ST3GAL5: variants seen among roughly 807,000 people sequenced by gnomAD.
The protein encoded by ST3GAL5 is ST3 beta-galactoside alpha-2,3-sialyltransferase 5.
ST3GAL5 carries 25 observed loss-of-function variants against 46.1 expected under a neutral mutation model. The observed-to-expected ratio is 0.54, with a 90% CI of 0.40 to 0.76. The LOEUF is 0.76. Ranked by LOEUF, ST3GAL5 falls within the 30% of genes least tolerant of loss-of-function variation. The pLI is 0.00. For synonymous variants in ST3GAL5, 182 were observed against 192.7 expected (o/e 0.94, Z 0.46); for missense variants, 431 against 521.2 (o/e 0.83, Z 1.69).
At chr2:85,854,126 T>A (rs1295750133) in intron 3 of ST3GAL5, 1 of 152,226 alleles carries the variant, frequency 6.6e-6, no homozygotes, top group African/African-American at 2.4e-5. Context: ...GACTTTCTCC[T>A]TTACTTATTT....
At position 85,847,546 on chromosome 2, in the gene ST3GAL5, G is replaced by C. The variant is rs925211723; in HGVS notation, c.662+315C>G. On this transcript the variant is annotated intron_variant, in intron 4 of 6. Coordinates refer to ENST00000638572, the MANE Select transcript of ST3GAL5 (RefSeq NM_003896.4). ...CTGTTCCTGGAGCCACACTGACCAA[G>C]AGCAGTGCACTGAGTTCTAGAGGAG... The C allele has an allele frequency of 1.6e-5, 18 of 1,131,660 alleles. No homozygotes were observed. The South Asian group carries it at 4.0e-4, about 25-fold the overall frequency. 70.1% of individuals were successfully genotyped at this position (1,131,660 alleles called of 1,614,324 possible). A position where few individuals can be genotyped will look rare whatever the true frequency, so the allele number is the denominator to read the frequency against.
intron 1 of ST3GAL5, among the ~76,000 whole-genome samples, chr2:85,871,093 A>G (rs1261262892): frequency 3.4e-5 from 5 of 147,782 alleles, no homozygotes; most frequent in South Asian, 4.3e-4. Flanking sequence ...GCTAGAGTGC[A>G]GTGGTGCAAT....
At chr2:85,862,795 G>C (rs1264056391) in intron 2 of ST3GAL5, among the ~76,000 whole-genome samples, 3 of 152,196 alleles carry the variant, frequency 2.0e-5, no homozygotes, top group South Asian at 4.1e-4. Context: ...CAGAAGACTA[G>C]ATTGCAAGGT....
intron 3 of ST3GAL5, chr2:85,855,044 A>G (rs553750105): frequency 6.6e-6 from 1 of 152,452 alleles, no homozygotes; most frequent in East Asian, 1.9e-4. Flanking sequence ...CAACTGGAGA[A>G]CAACATGCAA....
chr2:85,887,827 T>G (rs1048243240), intron 1 of ST3GAL5: 3 of 151,992 alleles, frequency 2.0e-5, no homozygotes, highest in African/African-American at 7.3e-5. Context: ...AGGAGATGAG[T>G]CTCCTTCCTC....
intron 1 of ST3GAL5, among the ~76,000 whole-genome samples, chr2:85,877,374 T>C (rs1205534923): frequency 1.3e-5 from 2 of 152,254 alleles, no homozygotes; most frequent in Non-Finnish European, 2.9e-5. Flanking sequence ...TCTGAAACCG[T>C]TCCTTTATCT....
intron 6 of ST3GAL5, 29 bp from the exon 7 acceptor site, chr2:85,840,421 TA>T (rs748890415): frequency 1.4e-5 from 22 of 1,610,226 alleles, no homozygotes; most frequent in South Asian, 8.8e-5. Flanking sequence ...GACCAAAAAG[TA>T]AAAAAAAATT....
intron 5 of ST3GAL5, 200 bp from the exon 6 acceptor site, chr2:85,844,754 C>A: frequency 1.5e-6 from 1 of 659,504 alleles, no homozygotes; most frequent in South Asian, 1.7e-5. Context: ...ATAGCCACTT[C>A]ACACAGGCGG....
At chr2:85,844,261 A>G in intron 6 of ST3GAL5, 135 bp downstream of exon 6, 1 of 1,117,894 alleles carries the variant, frequency 8.9e-7, no homozygotes, top group Non-Finnish European at 1.3e-6. Context: ...AGTGGTAAAC[A>G]CACATGGAGC....
chr2:85,867,843 A>G (rs1685452247), intron 1 of ST3GAL5: 1 of 611,870 alleles, frequency 1.6e-6, no homozygotes, highest in Non-Finnish European at 2.9e-6. Flanking sequence ...GAAAGTAGAA[A>G]CCTTAGAAGC....
At chr2:85,846,729 G>T in intron 4 of ST3GAL5, 166 bp from the exon 5 acceptor site, 1 of 651,080 alleles carries the variant, frequency 1.5e-6, no homozygotes, top group South Asian at 1.9e-5. Flanking sequence ...CTAGGATTTC[G>T]AGGAATGCAG....
At chr2:85,866,982 T>G (rs866811482) in intron 1 of ST3GAL5, among the ~76,000 whole-genome samples, 5 of 152,220 alleles carry the variant, frequency 3.3e-5, no homozygotes, top group African/African-American at 1.2e-4. Context: ...GAAATTATAA[T>G]GGCAAGAATA....
rs1157543347 is a variant in ST3GAL5, at chr2:85,863,464, T to A, written c.104A>T (p.Tyr35Phe). Residue 35 changes from tyrosine to phenylalanine, a missense_variant, in exon 2 of 7, where the codon TAT (tyrosine) becomes TTT (phenylalanine). Transcript: ENST00000638572. ...CGAGCAATCACTTCTCAGTTTCACATAGGTGTACTCACTTGGCATTGCTGT... is the reference window on the plus strand; with the variant it reads ...CGAGCAATCACTTCTCAGTTTCACAAAGGTGTACTCACTTGGCATTGCTGT... ...AGRAMPSEYT[Y>F]VKLRSDCSRP... The A allele has an allele frequency of 6.2e-7, 1 of 1,614,146 alleles. No homozygotes were observed. The highest frequency in any genetic ancestry group is 1.3e-5 in the African/African-American group (1 of 75,034).
rs547320787 is a variant in ST3GAL5, at chr2:85,869,153, G to A, written c.83-5668C>T. 5.3e-5 allele frequency among the ~76,000 whole-genome samples: 8 copies of A among 152,262 alleles called. No homozygotes were observed. The South Asian group carries it at 6.2e-4, about 12-fold the overall frequency. On this transcript the variant is annotated intron_variant, in intron 1 of 6. Transcript: ENST00000638572. ...CACCTTCAAACTCCTGGGCTCAAGC[G>A]ATACTCCCACTTTGGTCTTCTCAGT...
chr2:85,840,003 A>ATT lies in ST3GAL5; in HGVS notation c.*139_*140dup. On this transcript the variant is annotated 3_prime_UTR_variant, in exon 7 of 7. Coordinates refer to ENST00000638572, the MANE Select transcript of ST3GAL5 (RefSeq NM_003896.4). ...GAAAAAAAAAGTGGGAAGAGCTAAAATTTTTTTTGTGTTTTTAAATTAAAA... is the reference window on the plus strand; with the variant it reads ...GAAAAAAAAAGTGGGAAGAGCTAAAATTTTTTTTTTGTGTTTTTAAATTAAAA... 7.5e-7 allele frequency: 1 copy of ATT among 1,341,624 alleles called. No individual in the cohort carries two copies. 83.1% of individuals were successfully genotyped at this position (1,341,624 alleles called of 1,614,324 possible). A position where few individuals can be genotyped will look rare whatever the true frequency, so the allele number is the denominator to read the frequency against.
chr2:85,860,978 G>C (rs1158335390), intron 3 of ST3GAL5: 1 of 571,078 alleles, frequency 1.8e-6, no homozygotes, highest in East Asian at 3.1e-5. Flanking sequence ...GCAGTAAATG[G>C]GAGAAGGATA....
At chr2:85,857,192 C>G (rs1441370574) in intron 3 of ST3GAL5, among the ~76,000 whole-genome samples, 1 of 150,254 alleles carries the variant, frequency 6.7e-6, no homozygotes, top group Non-Finnish European at 1.5e-5. Context: ...CTGCAGTGAG[C>G]AATGATCGGG....
At chr2:85,876,180 C>T (rs1686540749) in intron 1 of ST3GAL5, among the ~76,000 whole-genome samples, 1 of 152,212 alleles carries the variant, frequency 6.6e-6, no homozygotes, top group Non-Finnish European at 1.5e-5. Context: ...GTGAAGTGCA[C>T]TGATCTCTGG....
rs543164673 is a variant in ST3GAL5 at position 85,885,696 on chromosome 2, C to T, written c.82+3128G>A. 2.0e-5 allele frequency among the ~76,000 whole-genome samples: 3 copies of T among 152,200 alleles called. No homozygotes were observed. In the East Asian group the frequency reaches 5.8e-4, roughly 29 times the overall value. On this transcript the variant is annotated intron_variant, in intron 1 of 6. Coordinates refer to ENST00000638572, the MANE Select transcript of ST3GAL5 (RefSeq NM_003896.4). ...ACAAAAAATTAGCCGGGCGAGGTGG[C>T]AGGCGCCTGTAGTCCCAGCTACTCG...
Sources: gnomAD v4.1 joint callset for allele counts (sites outside exome capture counted in the v4.1 genomes callset) on GRCh38, gnomAD v4.1.1 for gene constraint, MANE v1.5 for transcripts, NCBI Gene and HGNC (gene_info 2026-07-23, HGNC 2026-07-21) for gene names.